Variants in PDGFD observed in about 807,000 individuals in gnomAD.
PDGFD encodes the protein platelet-derived growth factor D.
In PDGFD, 30 loss-of-function variants were observed where a neutral mutation model predicts 44.7. The observed-to-expected ratio is 0.67, with a 90% CI of 0.50 to 0.91. PDGFD has a LOEUF of 0.91. Among genes scored for constraint, PDGFD ranks in the 40% least tolerant of loss-of-function variants. The pLI, the probability that PDGFD is intolerant of heterozygous loss-of-function variation, is 0.00. For synonymous variants in PDGFD, 173 were observed against 168.4 expected (o/e 1.03, Z -0.21); for missense variants, 445 against 457.8 (o/e 0.97, Z 0.25).
intron 1 of PDGFD, among the ~76,000 whole-genome samples, chr11:104,119,827 A>G (rs1270648825): frequency 8.5e-6 from 1 of 117,886 alleles, no homozygotes; most frequent in Non-Finnish European, 1.6e-5. Flanking sequence ...ATTATGTACT[A>G]TATAATCAAT....
chr11:103,939,679 T>C (rs533803898), intron 5 of PDGFD, among the ~76,000 whole-genome samples: 2 of 152,122 alleles, frequency 1.3e-5, no homozygotes, highest in African/African-American at 4.8e-5. Context: ...ACCCATATAA[T>C]TTCACTTAAT....
intron 3 of PDGFD, among the ~76,000 whole-genome samples, chr11:103,957,320 C>G (rs527994384): frequency 1.9e-3 from 289 of 152,166 alleles, no homozygotes; most frequent in African/African-American, 6.6e-3. Flanking sequence ...CAATGCCATC[C>G]CCATCAAGCT....
At chr11:104,118,697 T>A (rs148493860) in intron 1 of PDGFD, among the ~76,000 whole-genome samples, 11 of 118,986 alleles carry the variant, frequency 9.2e-5, no homozygotes, top group African/African-American at 3.5e-4. Flanking sequence ...CTCCTCACCA[T>A]CTCCTTAATT....
chr11:104,003,640 A>G (rs1859653568), intron 1 of PDGFD, among the ~76,000 whole-genome samples: 1 of 152,216 alleles, frequency 6.6e-6, no homozygotes, highest in African/African-American at 2.4e-5. Context: ...CTGCCAGGGG[A>G]AACATTTTTA....
chr11:104,155,408 G>T (rs894349723), intron 1 of PDGFD, among the ~76,000 whole-genome samples: 12 of 152,188 alleles, frequency 7.9e-5, no homozygotes, highest in Admixed American at 7.2e-4. Context: ...GCCTCAGCCA[G>T]CTGGGCTTGC....
rs539816391 is a variant in PDGFD at position 104,077,943 on chromosome 11, G to A, written c.125-77688C>T. Among the ~76,000 whole-genome samples the A allele has an allele frequency of 6.6e-5, 10 of 152,240 alleles. No individual in the cohort carries two copies. The East Asian group carries it at 1.4e-3, about 21-fold the overall frequency. Reference sequence around the variant, plus strand: ...CAGACCTCAGCAGGTGAGCTAGGGCGTGATCCATGCTGCCCTATGGTCTCT... The same window carrying A: ...CAGACCTCAGCAGGTGAGCTAGGGCATGATCCATGCTGCCCTATGGTCTCT... On this transcript the variant is annotated intron_variant, in intron 1 of 6. Transcript: ENST00000393158.
chr11:103,917,002 G>A (rs1398144646), intron 6 of PDGFD, among the ~76,000 whole-genome samples: 2 of 151,764 alleles, frequency 1.3e-5, no homozygotes, highest in East Asian at 1.9e-4. Context: ...CGGGTTGATG[G>A]GTGCAGCAAG....
At chr11:103,915,893 A>G (rs1360998206) in intron 6 of PDGFD, among the ~76,000 whole-genome samples, 1 of 152,240 alleles carries the variant, frequency 6.6e-6, no homozygotes, top group Non-Finnish European at 1.5e-5. Context: ...AGCCATATGC[A>G]GAAAGCTGAA....
At chr11:104,044,656 G>A (rs1239142974) in intron 1 of PDGFD, among the ~76,000 whole-genome samples, 1 of 152,166 alleles carries the variant, frequency 6.6e-6, no homozygotes, top group Non-Finnish European at 1.5e-5. Context: ...ATCTGGCAAA[G>A]TTGCCAGTGG....
At chr11:104,148,836 C>T (rs374460640) in intron 1 of PDGFD, among the ~76,000 whole-genome samples, 3 of 152,046 alleles carry the variant, frequency 2.0e-5, no homozygotes, top group East Asian at 1.9e-4. Context: ...TAAGTAAGAA[C>T]ATATTGTATT....
intron 1 of PDGFD, chr11:104,036,699 T>A (rs1390832475): frequency 4.0e-6 from 3 of 750,028 alleles, no homozygotes; most frequent in Admixed American, 2.3e-5. Context: ...GAGAGGTGAA[T>A]GAGCCCGGAC....
chr11:104,036,420 G>A (rs1303536267), intron 1 of PDGFD, among the ~76,000 whole-genome samples: 1 of 152,020 alleles, frequency 6.6e-6, no homozygotes, highest in Non-Finnish European at 1.5e-5. Flanking sequence ...CTCCAGCCTG[G>A]GTGACAGGAT....
chr11:104,115,382 G>T lies in PDGFD; in HGVS notation c.124+48422C>A, dbSNP rs1411396017. ...ATGATGGAATACTCATCTATAAAAAGGAATGAATTAATATTATTAATAAGT... is the reference window on the plus strand; with the variant it reads ...ATGATGGAATACTCATCTATAAAAATGAATGAATTAATATTATTAATAAGT... On this transcript the variant is annotated intron_variant, in intron 1 of 6. Coordinates refer to ENST00000393158, the MANE Select transcript of PDGFD (RefSeq NM_025208.5). 2.1e-4 allele frequency among the ~76,000 whole-genome samples: 31 copies of T among 150,134 alleles called. No homozygotes were observed. In the Admixed American group the frequency reaches 2.1e-3, roughly 10 times the overall value.
At chr11:104,004,872 C>CTTTTTTTTTTTTTTTTTTTTT (rs33979812) in intron 1 of PDGFD, among the ~76,000 whole-genome samples, 3 of 71,892 alleles carry the variant, frequency 4.2e-5, no homozygotes, top group Non-Finnish European at 7.2e-5. Context: ...TTATTACCAC[C>CTTTTTTTTTTTTTTTTTTTTT]TTTTTTTTTT....
chr11:104,093,491 C>T (rs866907584), intron 1 of PDGFD, among the ~76,000 whole-genome samples: 9 of 152,104 alleles, frequency 5.9e-5, no homozygotes, highest in East Asian at 1.9e-4. Context: ...TGCTCCTCCT[C>T]GCTTGCCTTC....
At chr11:104,034,484 T>A (rs984760333) in intron 1 of PDGFD, among the ~76,000 whole-genome samples, 11 of 152,106 alleles carry the variant, frequency 7.2e-5, no homozygotes, top group African/African-American at 2.7e-4. Flanking sequence ...GTGACTTCCT[T>A]CTCTCCATAA....
intron 5 of PDGFD, among the ~76,000 whole-genome samples, chr11:103,928,987 T>A (rs1013933834): frequency 6.6e-6 from 1 of 152,028 alleles, no homozygotes; most frequent in Non-Finnish European, 1.5e-5. Context: ...TGGGAAGATA[T>A]TTGTCTAACA....
In PDGFD at chr11:104,082,319, C is replaced by A. The variant is rs995679432; in HGVS notation, c.124+81485G>T. 2.6e-5 allele frequency among the ~76,000 whole-genome samples: 4 copies of A among 151,750 alleles called. No homozygotes were observed. In the East Asian group the frequency reaches 5.8e-4, roughly 22 times the overall value. On this transcript the variant is annotated intron_variant, in intron 1 of 6. Coordinates refer to ENST00000393158, the MANE Select transcript of PDGFD (RefSeq NM_025208.5). ...ACTCCTTCTTGATGCAGAAGAATTT[C>A]ATTATTTCCCATGGGTTTCATCAAA...
intron 6 of PDGFD, among the ~76,000 whole-genome samples, chr11:103,911,093 T>A (rs1858022401): frequency 6.6e-6 from 1 of 152,132 alleles, no homozygotes; most frequent in South Asian, 2.1e-4. Flanking sequence ...GTCAGGGACT[T>A]ATAGATAAAA....
Sources: gnomAD v4.1 joint callset for allele counts (sites outside exome capture counted in the v4.1 genomes callset) on GRCh38, gnomAD v4.1.1 for gene constraint, MANE v1.5 for transcripts, NCBI Gene and HGNC (gene_info 2026-07-23, HGNC 2026-07-21) for gene names.